The following MAT2B variants were observed in gnomAD, a reference collection of about 807,000 sequenced individuals.
The protein encoded by MAT2B is methionine adenosyltransferase 2 non-catalytic beta subunit.
Under a neutral mutation model 36.1 loss-of-function variants are expected in MAT2B, and 16 were observed. That is an observed-to-expected ratio of 0.44 (90% CI 0.30 to 0.67). The LOEUF (loss-of-function observed/expected upper bound fraction) is 0.67, where lower values mean the gene tolerates loss of function less well. Among genes scored for constraint, MAT2B ranks in the 30% least tolerant of loss-of-function variants. The pLI, the probability that MAT2B is intolerant of heterozygous loss-of-function variation, is 0.09. For synonymous variants in MAT2B, 148 were observed against 136.9 expected, an observed-to-expected ratio of 1.08 and a Z score of -0.57; for missense variants, 332 against 398.2, an observed-to-expected ratio of 0.83 and a Z score of 1.42.
chr5:163,517,752 C>T lies in MAT2B; in HGVS notation c.834+78C>T, dbSNP rs113701580. 317 of 834,226 alleles carry T rather than the reference C, an allele frequency of 3.8e-4. No homozygotes were observed. In the African/African-American group the frequency reaches 4.5e-3, roughly 12 times the overall value. The allele number at this position is 834,226 out of a possible 1,614,324, so 51.7% of individuals were successfully genotyped here. A position where few individuals can be genotyped will look rare whatever the true frequency, so the allele number is the denominator to read the frequency against. ...TGCTGTGTTGGGTAACTTCATTTCT[C>T]AGTACTAATCAAAGTGAACTTTGCT... On this transcript the variant is annotated intron_variant, in intron 6 of 6. Transcript: ENST00000321757.
At chr5:163,503,138 C>T, upstream of MAT2B, 1 of 436,110 alleles carries the variant, frequency 2.3e-6, no homozygotes. Context: ...GCTTGACTGG[C>T]AATTAAACAT....
Position 163,519,206 on chromosome 5 carries a change from A to G in MAT2B, c.*843A>G, listed in dbSNP as rs1302927778. On this transcript the variant is annotated 3_prime_UTR_variant, in exon 7 of 7. Coordinates refer to ENST00000321757, the MANE Select transcript of MAT2B (RefSeq NM_013283.5). The stretch of plus-strand genomic sequence containing the variant: ...TTTAAATGTAAGGACCAAACTTCTA[A>G]ACTAATTGTTCTTTTGTTGCTTTAA... 1.5e-4 allele frequency: 23 copies of G among 152,116 alleles called. No homozygotes were observed. Among genetic ancestry groups the G allele is most frequent in the Non-Finnish European group, 1.5e-4 (10 of 68,010 alleles). The allele number at this position is 152,116 out of a possible 1,614,324, so 9.4% of individuals were successfully genotyped here.
In MAT2B at chr5:163,505,676, A is replaced by T; in HGVS notation, c.-11A>T. ...GGCGGCCGCTGAGGCTGCGGCGTGA[A>T]GACGGCGGGCATGGTGGGGCGGGAG... On this transcript the variant is annotated 5_prime_UTR_variant, in exon 1 of 7. It adds an upstream start codon to the 5' untranslated region. Coordinates refer to ENST00000321757, the MANE Select transcript of MAT2B (RefSeq NM_013283.5). The T allele has an allele frequency of 3.1e-6, 4 of 1,281,374 alleles. No individual in the cohort carries two copies. Among genetic ancestry groups the T allele is most frequent in the Non-Finnish European group, 2.0e-6 (2 of 1,006,850 alleles). 79.4% of individuals were successfully genotyped at this position (1,281,374 alleles called of 1,614,324 possible).
chr5:163,512,032 C>CTGG lies in MAT2B; in HGVS notation c.96_98dup (p.Val33dup). 2 of 1,614,142 alleles carry CTGG rather than the reference C, an allele frequency of 1.2e-6. No individual in the cohort carries two copies. The highest frequency in any genetic ancestry group is 1.7e-6 in the Non-Finnish European group (2 of 1,179,984). On this transcript the variant is annotated inframe_insertion, in exon 2 of 7. Transcript: ENST00000321757. ...AGTTAACATCCCTAATAGGAGGGTT[C>CTGG]TGGTTACTGGTGCCACTGGGCTTCT...
intron 1 of MAT2B, among the ~76,000 whole-genome samples, chr5:163,511,755 G>A (rs1263701837): frequency 6.6e-6 from 1 of 151,894 alleles, no homozygotes; most frequent in African/African-American, 2.4e-5. Context: ...GTCTCATTAT[G>A]TTACCCAGGC....
intron 4 of MAT2B, among the ~76,000 whole-genome samples, chr5:163,514,691 G>A (rs908771109): frequency 7.2e-5 from 11 of 152,142 alleles, no homozygotes; most frequent in Middle Eastern, 3.4e-3. Flanking sequence ...CAGTGGCTGC[G>A]TAGTACTTAA....
In MAT2B at chr5:163,505,767, G is replaced by C; in HGVS notation, c.63+18G>C. Reference sequence around the variant, plus strand: ...TGGTGGAGGTGAGGGAGTCGGCCTGGGCGTCTCCGGTGGGAGCGGGGGCGC... The same window carrying C: ...TGGTGGAGGTGAGGGAGTCGGCCTGCGCGTCTCCGGTGGGAGCGGGGGCGC... On this transcript the variant is annotated intron_variant, in intron 1 of 6. Coordinates refer to ENST00000321757, the MANE Select transcript of MAT2B (RefSeq NM_013283.5). 1 of 1,264,230 alleles carries C rather than the reference G, an allele frequency of 7.9e-7. No individual in the cohort carries two copies. The highest frequency in any genetic ancestry group is 1.0e-6 in the Non-Finnish European group (1 of 997,936). 78.3% of individuals were successfully genotyped at this position (1,264,230 alleles called of 1,614,324 possible).
intron 1 of MAT2B, among the ~76,000 whole-genome samples, chr5:163,509,032 A>G (rs1187372982): frequency 3.3e-5 from 5 of 152,150 alleles, no homozygotes; most frequent in African/African-American, 1.2e-4. Flanking sequence ...TTCCCTAAAG[A>G]GCCTTGTTCT....
rs746809727 is a variant in MAT2B, at chr5:163,512,188, G to A, written c.250G>A (p.Asp84Asn). The A allele has an allele frequency of 3.1e-6, 5 of 1,613,258 alleles. No homozygotes were observed. The highest frequency in any genetic ancestry group is 4.2e-6 in the Non-Finnish European group (5 of 1,179,214). The change falls in exon 2 of 7, where the codon GAT becomes AAT. Residue 84 changes from aspartate (D) to asparagine (N), a missense_variant. Asp to Asn is a conservative substitution (Grantham distance 23). Transcript: ENST00000321757. ...DSNAVHHIIHDFQPHVIVHCA... is the reference protein window; with the variant it reads ...DSNAVHHIIHNFQPHVIVHCA... ...TAATGCAGTTCATCACATCATTCAT[G>A]ATTTTCAGGTATGATTTAGGTTATT...
At chr5:163,513,801 G>A in intron 3 of MAT2B, 41 bp from the exon 4 acceptor site, 1 of 1,576,116 alleles carries the variant, frequency 6.3e-7, no homozygotes, top group Non-Finnish European at 8.7e-7. Context: ...AAAGAGTAAT[G>A]TCATGTAAAC....
chr5:163,513,632 T>G lies in MAT2B; in HGVS notation c.336T>G (p.Leu112=). ...VENQPDAASQ[L]NVDASGNLAK... is the part of the protein sequence containing the mutation. ...ATCAGCCAGATGCTGCCTCTCAACTTAATGTGGATGCTTCTGGGAATTTAG... is the reference window on the plus strand; with the variant it reads ...ATCAGCCAGATGCTGCCTCTCAACTGAATGTGGATGCTTCTGGGAATTTAG... The change falls in exon 3 of 7, where the codon CTT becomes CTG. Residue 112 remains leucine, a synonymous_variant. Transcript: ENST00000321757. 6.2e-7 allele frequency: 1 copy of G among 1,613,894 alleles called. No individual in the cohort carries two copies. Among genetic ancestry groups the G allele is most frequent in the South Asian group, 1.1e-5 (1 of 91,066 alleles).
chr5:163,507,314 A>G (rs924453888), intron 1 of MAT2B, among the ~76,000 whole-genome samples: 1 of 152,250 alleles, frequency 6.6e-6, no homozygotes, highest in African/African-American at 2.4e-5. Flanking sequence ...GGAAGGAGCC[A>G]TGTATCTCCC....
upstream of MAT2B, chr5:163,505,514 G>A (rs904637989): frequency 4.0e-5 from 50 of 1,238,814 alleles, no homozygotes; most frequent in Non-Finnish European, 4.8e-5. Flanking sequence ...CTGGGGCGTC[G>A]GCGGAGCGTG....
chr5:163,511,149 G>A (rs1760034196), intron 1 of MAT2B, among the ~76,000 whole-genome samples: 1 of 152,024 alleles, frequency 6.6e-6, no homozygotes, highest in Non-Finnish European at 1.5e-5. Context: ...ACTCATTTGG[G>A]TATTATCAAT....
At chr5:163,517,856 A>T (rs909269114) in intron 6 of MAT2B, 182 bp downstream of exon 6, 2 of 517,312 alleles carry the variant, frequency 3.9e-6, no homozygotes, top group African/African-American at 3.8e-5. Flanking sequence ...AAGTTTGTAG[A>T]AAATGTATTA....
intron 1 of MAT2B, among the ~76,000 whole-genome samples, chr5:163,508,687 G>A (rs1469344943): frequency 6.8e-6 from 1 of 146,980 alleles, no homozygotes; most frequent in African/African-American, 2.5e-5. Flanking sequence ...GTGCGATCTC[G>A]GCTCACTACG....
upstream of MAT2B, among the ~76,000 whole-genome samples, chr5:163,504,834 A>G (rs1759900856): frequency 6.6e-6 from 1 of 152,150 alleles, no homozygotes; most frequent in South Asian, 2.1e-4. Flanking sequence ...GGTGCTCACC[A>G]AGGCTGGGCT....
At chr5:163,511,965 A>G (rs142563619) in intron 1 of MAT2B, 37 bp from the exon 2 acceptor site, 26 of 1,493,732 alleles carry the variant, frequency 1.7e-5, no homozygotes, top group Middle Eastern at 3.5e-4. Context: ...ACTGTTTTCA[A>G]AGTTAGTAAC....
chr5:163,512,292 T>G, intron 2 of MAT2B, 96 bp downstream of exon 2: 1 of 1,102,662 alleles, frequency 9.1e-7, no homozygotes, highest in Non-Finnish European at 1.4e-6. Context: ...ATTACTATGT[T>G]TGAAAGCTCT....
Sources: allele counts gnomAD v4.1 joint callset (sites outside exome capture counted in the v4.1 genomes callset), GRCh38; gene constraint gnomAD v4.1.1; transcripts MANE v1.5; gene names NCBI Gene and HGNC (gene_info 2026-07-23, HGNC 2026-07-21).